GALNT3: variants seen among roughly 807,000 people sequenced by gnomAD.
GALNT3 encodes polypeptide N-acetylgalactosaminyltransferase 3.
In GALNT3, 51 loss-of-function variants were observed where a neutral mutation model predicts 69.8. The observed-to-expected ratio is 0.73, with a 90% CI of 0.58 to 0.92. The LOEUF (loss-of-function observed/expected upper bound fraction) is 0.92. Ranked by LOEUF, GALNT3 falls within the 40% of genes least tolerant of loss-of-function variation. The pLI is 0.00. For missense variants in GALNT3, 711 were observed against 760.0 expected (o/e 0.94, Z 0.76); for synonymous variants, 265 against 248.5 (o/e 1.07, Z -0.63).
At chr2:165,768,909 G>A (rs147225120) in intron 2 of GALNT3, among the ~76,000 whole-genome samples, 10 of 150,534 alleles carry the variant, frequency 6.6e-5, no homozygotes, top group East Asian at 6.0e-4. Context: ...ATTCTCCAGC[G>A]TCAGGCTCCC....
At position 165,757,218 on chromosome 2, in the gene GALNT3, A is replaced by G. The variant is rs757320645; in HGVS notation, c.1221T>C (p.Ile407=). The G allele has an allele frequency of 6.2e-7, 1 of 1,614,086 alleles. No individual in the cohort carries two copies. Among genetic ancestry groups the G allele is most frequent in the Non-Finnish European group, 8.5e-7 (1 of 1,179,944 alleles). The stretch of plus-strand genomic sequence containing the variant: ...CATGTCCAACAACAGAGCAAGGCAT[A>G]ATCTCCAACTGCCCACCACATTGCC... The part of the protein sequence containing the change: ...RVWQCGGQLE[I]MPCSVVGHVF... The change falls in exon 7 of 11, where the codon ATT becomes ATC. Residue 407 remains isoleucine, a synonymous_variant. Coordinates refer to ENST00000392701, the MANE Select transcript of GALNT3 (RefSeq NM_004482.4).
intron 9 of GALNT3, among the ~76,000 whole-genome samples, chr2:165,750,867 C>G (rs1013743508): frequency 6.6e-6 from 1 of 152,110 alleles, no homozygotes; most frequent in African/African-American, 2.4e-5. Flanking sequence ...CTGTCCTCTG[C>G]CTGGAATACA....
At chr2:165,774,765 G>C (rs1688814876) in intron 1 of GALNT3, among the ~76,000 whole-genome samples, 1 of 152,080 alleles carries the variant, frequency 6.6e-6, no homozygotes, top group Admixed American at 6.6e-5. Context: ...AAGGAAGAAA[G>C]AGGACCAAGA....
intron 2 of GALNT3, among the ~76,000 whole-genome samples, chr2:165,768,158 A>T (rs1688681581): frequency 6.6e-6 from 1 of 152,146 alleles, no homozygotes. Flanking sequence ...GAAGTCAAAA[A>T]ACAAATCTTT....
At chr2:165,751,999 C>T (rs1347264178) in intron 9 of GALNT3, among the ~76,000 whole-genome samples, 1 of 152,026 alleles carries the variant, frequency 6.6e-6, no homozygotes, top group Non-Finnish European at 1.5e-5. Flanking sequence ...GTATATACAC[C>T]AGATAATATT....
intron 1 of GALNT3, among the ~76,000 whole-genome samples, chr2:165,786,856 C>G (rs1039449606): frequency 2.6e-5 from 4 of 152,068 alleles, no homozygotes; most frequent in African/African-American, 9.7e-5. Flanking sequence ...GCTTTGAAGA[C>G]TAAATAAGTA....
At position 165,757,036 on chromosome 2, in the gene GALNT3, C is replaced by G; in HGVS notation, c.1392+11G>C. The G allele has an allele frequency of 1.3e-6, 2 of 1,597,576 alleles. No homozygotes were observed. Among genetic ancestry groups the G allele is most frequent in the Non-Finnish European group, 1.7e-6 (2 of 1,165,410 alleles). ...ATTTTATTGCAATTTAACTACTTAG[C>G]TTTAACTTACTTGTTTAACAATTTT... On this transcript the variant is annotated intron_variant, in intron 7 of 10. Transcript: ENST00000392701.
chr2:165,769,009 G>T (rs557308497), intron 2 of GALNT3, among the ~76,000 whole-genome samples: 1 of 150,390 alleles, frequency 6.6e-6, no homozygotes, highest in African/African-American at 2.4e-5. Flanking sequence ...TGGCCAGGCT[G>T]CTCTCAAACT....
Position 165,758,749 on chromosome 2 carries a change from T to G in GALNT3, c.1189A>C (p.Arg397=). 1 of 1,520,788 alleles carries G rather than the reference T, an allele frequency of 6.6e-7. No homozygotes were observed. Among genetic ancestry groups the G allele is most frequent in the Non-Finnish European group, 9.1e-7 (1 of 1,095,256 alleles). The allele number at this position is 1,520,788 out of a possible 1,614,324, so 94.2% of individuals were successfully genotyped here. A position where few individuals can be genotyped will look rare whatever the true frequency, so the allele number is the denominator to read the frequency against. The change falls in exon 6 of 11, where the codon AGA becomes CGA. Residue 397 remains arginine (R), a splice_region_variant and synonymous_variant. Transcript: ENST00000392701. ...ATATTTAATTTCCATAAACTTACTC[T>G]GAAAGACATTTCTATATTTTCACCT... ...WGGENIEMSF[R]VWQCGGQLEI...
chr2:165,788,430 A>C (rs1050287006), intron 1 of GALNT3, among the ~76,000 whole-genome samples: 2 of 151,930 alleles, frequency 1.3e-5, no homozygotes, highest in Non-Finnish European at 2.9e-5. Context: ...CTTAATGGAA[A>C]GAGAAATTTT....
At chr2:165,771,926 T>C (rs1366795685) in intron 1 of GALNT3, among the ~76,000 whole-genome samples, 1 of 152,236 alleles carries the variant, frequency 6.6e-6, no homozygotes, top group Non-Finnish European at 1.5e-5. Context: ...AACTTAGTTC[T>C]ATATACTATT....
intron 7 of GALNT3, among the ~76,000 whole-genome samples, chr2:165,755,617 A>T (rs759353453): frequency 6.6e-6 from 1 of 152,216 alleles, no homozygotes; most frequent in South Asian, 2.1e-4. Context: ...AGAAAAAGGC[A>T]ATTTTCAAGT....
intron 1 of GALNT3, among the ~76,000 whole-genome samples, chr2:165,775,133 C>T (rs890489581): frequency 1.3e-5 from 2 of 151,914 alleles, no homozygotes; most frequent in Admixed American, 6.6e-5. Context: ...CAGTTTAAGA[C>T]CAGCATTTTT....
intron 2 of GALNT3, 31 bp from the exon 3 acceptor site, chr2:165,765,087 T>G (rs751399843): frequency 1.3e-6 from 2 of 1,563,350 alleles, no homozygotes; most frequent in South Asian, 2.2e-5. Context: ...AGAAAAACAA[T>G]TACAAATTTT....
chr2:165,779,687 CA>C (rs977414164), intron 1 of GALNT3, among the ~76,000 whole-genome samples: 2 of 151,108 alleles, frequency 1.3e-5, no homozygotes, highest in East Asian at 1.9e-4. Context: ...TTAACATATA[CA>C]AAAAAAACCT....
chr2:165,750,551 C>G (rs1429436450), intron 9 of GALNT3, among the ~76,000 whole-genome samples: 1 of 152,114 alleles, frequency 6.6e-6, no homozygotes, highest in African/African-American at 2.4e-5. Flanking sequence ...GTACTCACTT[C>G]TGTTACTCAG....
chr2:165,754,185 G>A (rs1688402564), intron 9 of GALNT3, among the ~76,000 whole-genome samples: 1 of 151,426 alleles, frequency 6.6e-6, no homozygotes, highest in Non-Finnish European at 1.5e-5. Context: ...CACCTCCGTG[G>A]TTCAAGCAAT....
intron 1 of GALNT3, among the ~76,000 whole-genome samples, chr2:165,773,302 A>G (rs928665116): frequency 6.6e-6 from 1 of 152,186 alleles, no homozygotes; most frequent in Non-Finnish European, 1.5e-5. Flanking sequence ...GTTCCCCTGC[A>G]CATGTTCTCT....
intron 9 of GALNT3, among the ~76,000 whole-genome samples, chr2:165,750,202 C>T (rs1451474042): frequency 1.3e-5 from 2 of 152,066 alleles, no homozygotes; most frequent in African/African-American, 4.8e-5. Context: ...AGAGTTATAA[C>T]AAGAACATTA....
Sources: gnomAD v4.1 joint callset for allele counts (sites outside exome capture counted in the v4.1 genomes callset) on GRCh38, gnomAD v4.1.1 for gene constraint, MANE v1.5 for transcripts, NCBI Gene and HGNC (gene_info 2026-07-23, HGNC 2026-07-21) for gene names.